Variants in SLCO4C1 observed in about 807,000 individuals in gnomAD.
SLCO4C1 encodes the protein solute carrier organic anion transporter family member 4C1.
Under a neutral mutation model 72.1 loss-of-function variants are expected in SLCO4C1, and 58 were observed. The ratio of observed to expected loss-of-function variants is 0.80; its 90% CI spans 0.65 to 1.00. SLCO4C1 has a LOEUF of 1.00. Ranked by LOEUF, SLCO4C1 falls within the 50% of genes least tolerant of loss-of-function variation. The pLI is 0.00. For missense variants in SLCO4C1, 898 were observed against 857.9 expected (o/e 1.05, Z -0.58); for synonymous variants, 297 against 312.5 (o/e 0.95, Z 0.52).
intron 2 of SLCO4C1, among the ~76,000 whole-genome samples, chr5:102,287,065 T>C (rs1196751309): frequency 2.6e-5 from 4 of 152,190 alleles, no homozygotes; most frequent in Admixed American, 6.5e-5. Flanking sequence ...AAATTACATG[T>C]ATAATTTCAA....
In SLCO4C1 at chr5:102,240,684, A is replaced by C. The variant is rs1207563509; in HGVS notation, c.1876+34T>G. ...ATAACACTAATGAACCAAAATAGCC[A>C]ACAGTTAGCAATGAATAAAGAAAAA... On this transcript the variant is annotated intron_variant, in intron 11 of 12. Transcript: ENST00000310954. 4.5e-6 allele frequency: 7 copies of C among 1,570,038 alleles called. No individual in the cohort carries two copies. The East Asian group carries it at 1.6e-4, about 35-fold the overall frequency.
chr5:102,267,837 T>G (rs1179210801), intron 3 of SLCO4C1, among the ~76,000 whole-genome samples: 1 of 152,134 alleles, frequency 6.6e-6, no homozygotes, highest in African/African-American at 2.4e-5. Context: ...CCTTCTTAAT[T>G]TCTTCATTGG....
intron 8 of SLCO4C1, among the ~76,000 whole-genome samples, chr5:102,253,301 C>T (rs192130021): frequency 1.3e-5 from 2 of 152,144 alleles, no homozygotes; most frequent in East Asian, 1.9e-4. Context: ...TAGTATTGTG[C>T]CCAATTAAAG....
rs1561376020 is a variant in SLCO4C1, at chr5:102,270,696, TTC to T, written c.728_729del (p.Gly243AspfsTer12). ...GCTGTTCCCAGAGTATAAAGAGGAGTTCCTCCTGCCCCCAGCAATAGTTGTCC... is the reference window on the plus strand; with the variant it reads ...GCTGTTCCCAGAGTATAAAGAGGAGTCTCCTGCCCCCAGCAATAGTTGTCC... Reference protein sequence around the residue: ...ILGQLLLGAGGTPLYTLGTAF... With the variant: ...ILGQLLLGAGXTPLYTLGTAF... On this transcript the variant is annotated frameshift_variant, in exon 3 of 13. Transcript: ENST00000310954. LOFTEE classifies it high-confidence loss of function. 1.9e-6 allele frequency: 3 copies of T among 1,613,210 alleles called. No homozygotes were observed. The South Asian group carries it at 3.3e-5, about 18-fold the overall frequency.
At chr5:102,264,838 A>T (rs1256400287) in intron 3 of SLCO4C1, among the ~76,000 whole-genome samples, 1 of 151,756 alleles carries the variant, frequency 6.6e-6, no homozygotes, top group Middle Eastern at 3.4e-3. Flanking sequence ...ATGAGCTGAT[A>T]TTTTTTCTTT....
At chr5:102,246,554 G>C (rs1297136972) in intron 10 of SLCO4C1, among the ~76,000 whole-genome samples, 1 of 151,954 alleles carries the variant, frequency 6.6e-6, no homozygotes, top group Non-Finnish European at 1.5e-5. Flanking sequence ...CTTCAGTGCA[G>C]AAAAGCCAAA....
chr5:102,259,984 C>G (rs1172875744), intron 6 of SLCO4C1, among the ~76,000 whole-genome samples: 1 of 151,732 alleles, frequency 6.6e-6, no homozygotes, highest in African/African-American at 2.4e-5. Context: ...AAACAAAATG[C>G]TACTATGAAA....
chr5:102,237,025 GAA>G lies in SLCO4C1; in HGVS notation c.2015-9_2015-8del. 3.4e-6 allele frequency: 5 copies of G among 1,482,694 alleles called. No homozygotes were observed. The highest frequency in any genetic ancestry group is 2.3e-5 in the Admixed American group (1 of 43,724). 91.8% of individuals were successfully genotyped at this position (1,482,694 alleles called of 1,614,324 possible). On this transcript the variant is annotated splice_polypyrimidine_tract_variant and splice_region_variant and intron_variant, in intron 12 of 12. Coordinates refer to ENST00000310954, the MANE Select transcript of SLCO4C1 (RefSeq NM_180991.5). The stretch of plus-strand genomic sequence containing the variant: ...ATAACTTTACAAGTAACACCTAAGT[GAA>G]AAAAAAAATTAATCATGTGCTTTTG...
chr5:102,292,345 A>C (rs1051861910), intron 1 of SLCO4C1, among the ~76,000 whole-genome samples: 1 of 152,078 alleles, frequency 6.6e-6, no homozygotes, highest in African/African-American at 2.4e-5. Context: ...GGCACAAGAG[A>C]CCCCATAGGC....
intron 2 of SLCO4C1, among the ~76,000 whole-genome samples, chr5:102,278,542 T>C (rs1749291029): frequency 6.6e-6 from 1 of 152,212 alleles, no homozygotes; most frequent in Admixed American, 6.5e-5. Flanking sequence ...CATTTTCTTT[T>C]CAAACGCCCA....
chr5:102,240,803 T>G, intron 10 of SLCO4C1, 21 bp from the exon 11 acceptor site: 1 of 1,579,592 alleles, frequency 6.3e-7, no homozygotes, highest in African/African-American at 1.3e-5. Context: ...TAAATATATA[T>G]GAGACCAAAA....
At chr5:102,267,903 G>A (rs1021343079) in intron 3 of SLCO4C1, among the ~76,000 whole-genome samples, 4 of 152,050 alleles carry the variant, frequency 2.6e-5, no homozygotes, top group Non-Finnish European at 5.9e-5. Flanking sequence ...TATAGTTCCA[G>A]AAGTTCCTCA....
chr5:102,293,931 CAG>C (rs547130860), intron 1 of SLCO4C1, among the ~76,000 whole-genome samples: 143 of 152,150 alleles, frequency 9.4e-4, no homozygotes, highest in African/African-American at 3.3e-3. Context: ...TGTTTTGAGA[CAG>C]AGTTTCCCTC....
At chr5:102,239,880 G>C (rs1370465641) in intron 11 of SLCO4C1, among the ~76,000 whole-genome samples, 2 of 151,916 alleles carry the variant, frequency 1.3e-5, no homozygotes, top group African/African-American at 4.8e-5. Context: ...ACCATATCTA[G>C]GAATATCACT....
At chr5:102,276,768 T>C (rs1177116667) in intron 2 of SLCO4C1, among the ~76,000 whole-genome samples, 2 of 152,138 alleles carry the variant, frequency 1.3e-5, no homozygotes, top group African/African-American at 4.8e-5. Context: ...TAGTGAACTC[T>C]CCCTGTTGAA....
intron 12 of SLCO4C1, among the ~76,000 whole-genome samples, chr5:102,237,256 T>G (rs1156958894): frequency 6.6e-6 from 1 of 152,208 alleles, no homozygotes; most frequent in East Asian, 1.9e-4. Flanking sequence ...TAACTTATTC[T>G]TGGTTATGCT....
At chr5:102,267,888 A>C (rs1349638841) in intron 3 of SLCO4C1, among the ~76,000 whole-genome samples, 2 of 151,942 alleles carry the variant, frequency 1.3e-5, no homozygotes, top group Non-Finnish European at 2.9e-5. Context: ...ATTTTCATCT[A>C]TTTGTATAGT....
intron 2 of SLCO4C1, among the ~76,000 whole-genome samples, chr5:102,290,215 G>A (rs1749526873): frequency 6.6e-6 from 1 of 152,150 alleles, no homozygotes; most frequent in South Asian, 2.1e-4. Flanking sequence ...CTACAGGGGA[G>A]GGGCCAGAAT....
chr5:102,271,070 T>A (rs1372524963), intron 2 of SLCO4C1, among the ~76,000 whole-genome samples: 1 of 152,120 alleles, frequency 6.6e-6, no homozygotes, highest in Non-Finnish European at 1.5e-5. Context: ...CTTTTCAGTT[T>A]TTCAGACATT....
Sources: allele counts gnomAD v4.1 joint callset (sites outside exome capture counted in the v4.1 genomes callset), GRCh38; gene constraint gnomAD v4.1.1; transcripts MANE v1.5; gene names NCBI Gene and HGNC (gene_info 2026-07-23, HGNC 2026-07-21).